The following PCDHA3 variants were observed in gnomAD, a reference collection of about 807,000 sequenced individuals.
PCDHA3 encodes protocadherin alpha-3.
A neutral mutation model predicts 62.2 loss-of-function variants in PCDHA3; 41 were observed. The ratio of observed to expected loss-of-function variants is 0.66; its 90% CI spans 0.51 to 0.86. The LOEUF (loss-of-function observed/expected upper bound fraction) is 0.86, where lower values mean the gene tolerates loss of function less well. Ranked by LOEUF, PCDHA3 falls within the 40% of genes least tolerant of loss-of-function variation. The pLI, the probability that PCDHA3 is intolerant of heterozygous loss-of-function variation, is 0.00. For missense variants in PCDHA3, 1,304 were observed against 1,241.2 expected (o/e 1.05, Z -0.76); for synonymous variants, 640 against 555.4 (o/e 1.15, Z -2.14).
At chr5:140,876,916 G>A (rs2056692894) in intron 1 of PCDHA3, 3 of 1,613,960 alleles carry the variant, frequency 1.9e-6, no homozygotes, top group Non-Finnish European at 2.5e-6. Flanking sequence ...GGCATGGGAC[G>A]CGGACGCGCA....
chr5:140,899,550 A>C (rs932403675), intron 1 of PCDHA3, among the ~76,000 whole-genome samples: 1 of 152,176 alleles, frequency 6.6e-6, no homozygotes, highest in Admixed American at 6.5e-5. Flanking sequence ...ATGGTGGATA[A>C]GCTTTTTGAT....
chr5:140,963,538 C>T (rs1450528022), intron 1 of PCDHA3, among the ~76,000 whole-genome samples: 2 of 152,188 alleles, frequency 1.3e-5, no homozygotes, highest in Non-Finnish European at 2.9e-5. Flanking sequence ...CCATTTACTT[C>T]ATGATATAAA....
At chr5:140,913,282 AG>A (rs1231451737) in intron 1 of PCDHA3, among the ~76,000 whole-genome samples, 20 of 152,154 alleles carry the variant, frequency 1.3e-4, no homozygotes, top group African/African-American at 4.6e-4. Flanking sequence ...TGGTCTGTTT[AG>A]GTTTTAATTT....
chr5:140,917,999 A>T (rs1292582356), intron 1 of PCDHA3, among the ~76,000 whole-genome samples: 2 of 152,162 alleles, frequency 1.3e-5, no homozygotes, highest in African/African-American at 4.8e-5. Context: ...GGTTATCTTA[A>T]CAATGTTGTT....
At chr5:140,966,253 G>A in intron 1 of PCDHA3, 1 of 328,324 alleles carries the variant, frequency 3.0e-6, no homozygotes, top group South Asian at 1.5e-4. Context: ...GGGGAGAGAC[G>A]GTGGAGACTG....
chr5:140,830,174 G>C, intron 1 of PCDHA3: 1 of 1,613,632 alleles, frequency 6.2e-7, no homozygotes, highest in Non-Finnish European at 8.5e-7. Flanking sequence ...GGCGCTGGTG[G>C]ATGTCAACGT....
chr5:140,852,129 C>T (rs2042245206), intron 1 of PCDHA3: 2 of 891,056 alleles, frequency 2.2e-6, no homozygotes, highest in South Asian at 5.1e-5. Context: ...ATTAAAAACT[C>T]AGTAGAGAAA....
chr5:140,967,090 G>A (rs1320117719), intron 1 of PCDHA3: 2 of 1,613,240 alleles, frequency 1.2e-6, no homozygotes, highest in African/African-American at 2.7e-5. Context: ...TTGATCGGGA[G>A]GCGCTGTGTG....
At chr5:140,876,740 T>G (rs782650836) in intron 1 of PCDHA3, 2 of 1,614,236 alleles carry the variant, frequency 1.2e-6, no homozygotes, top group East Asian at 4.5e-5. Context: ...GCCTATGAGC[T>G]GGTGGTGACT....
At chr5:140,890,237 A>G (rs1554184228) in intron 1 of PCDHA3, among the ~76,000 whole-genome samples, 1 of 152,154 alleles carries the variant, frequency 6.6e-6, no homozygotes, top group East Asian at 1.9e-4. Flanking sequence ...TTAAGCATTT[A>G]CCAGTACACT....
At chr5:140,827,914 G>C (rs1479544494) in intron 1 of PCDHA3, 1 of 863,992 alleles carries the variant, frequency 1.2e-6, no homozygotes, top group African/African-American at 1.7e-5. Flanking sequence ...GCATGATGTC[G>C]CTGTCTACCA....
intron 1 of PCDHA3, chr5:140,816,260 C>T (rs1270390991): frequency 6.6e-6 from 1 of 152,136 alleles, no homozygotes; most frequent in African/African-American, 2.4e-5. Flanking sequence ...AGTTCACTGA[C>T]TCATTCTTCT....
intron 3 of PCDHA3, among the ~76,000 whole-genome samples, chr5:141,005,772 G>A (rs1554260355): frequency 6.9e-6 from 1 of 144,526 alleles, no homozygotes; most frequent in South Asian, 2.2e-4. Flanking sequence ...CAAACCAGAT[G>A]TGTAAAGATC....
rs544683188 is a variant in PCDHA3 at position 140,871,907 on chromosome 5, C to G, written c.2394+68316C>G. ...TCTTTGTCTTTTAGCAGAGTTTTGC[C>G]TTGATATTTCCACATTGTTAGATCA... On this transcript the variant is annotated intron_variant, in intron 1 of 3. Coordinates refer to ENST00000522353, the MANE Select transcript of PCDHA3 (RefSeq NM_018906.3). Among the ~76,000 whole-genome samples the G allele has an allele frequency of 3.9e-5, 6 of 152,316 alleles. No homozygotes were observed. In the South Asian group the frequency reaches 1.2e-3, roughly 32 times the overall value.
intron 1 of PCDHA3, chr5:140,841,825 A>G (rs1422577295): frequency 5.0e-6 from 8 of 1,613,926 alleles, no homozygotes; most frequent in Non-Finnish European, 6.8e-6. Context: ...ACTCCGTGTT[A>G]ACCTACAGGC....
At chr5:140,937,769 G>A (rs908179495) in intron 1 of PCDHA3, among the ~76,000 whole-genome samples, 44 of 151,776 alleles carry the variant, frequency 2.9e-4, no homozygotes, top group African/African-American at 9.4e-4. Context: ...AAAATTAGTC[G>A]GGCGTGGTGG....
At position 141,012,270 on chromosome 5, in the gene PCDHA3, G is replaced by A. The variant is rs782033901; in HGVS notation, c.*2333G>A. On this transcript the variant is annotated 3_prime_UTR_variant, in exon 4 of 4. Coordinates refer to ENST00000522353, the MANE Select transcript of PCDHA3 (RefSeq NM_018906.3). ...TATTACAGCTGTAAGGATAAAACAC[G>A]TCATGTGGATTCATTTTGAATTGGT... is the stretch of plus-strand genomic sequence containing the variant. 4 of 153,734 alleles carry A rather than the reference G, an allele frequency of 2.6e-5. No individual in the cohort carries two copies. The highest frequency in any genetic ancestry group is 5.9e-5 in the Non-Finnish European group (4 of 68,028). 9.5% of individuals were successfully genotyped at this position (153,734 alleles called of 1,614,324 possible).
intron 3 of PCDHA3, among the ~76,000 whole-genome samples, chr5:140,992,293 G>A (rs1043574685): frequency 1.3e-5 from 2 of 152,136 alleles, no homozygotes; most frequent in African/African-American, 2.4e-5. Flanking sequence ...GCAAAGGATG[G>A]GAGTATTGTT....
intron 1 of PCDHA3, chr5:140,927,477 G>A: frequency 6.2e-7 from 1 of 1,614,118 alleles, no homozygotes; most frequent in Non-Finnish European, 8.5e-7. Flanking sequence ...ATCGCGAACA[G>A]CGCGCCACCC....
Sources: gnomAD v4.1 joint callset for allele counts (sites outside exome capture counted in the v4.1 genomes callset) on GRCh38, gnomAD v4.1.1 for gene constraint, MANE v1.5 for transcripts, NCBI Gene and HGNC (gene_info 2026-07-23, HGNC 2026-07-21) for gene names.